Variants in DGKB observed in about 807,000 individuals in gnomAD.
DGKB encodes the protein 90 kDa diacylglycerol kinase.
Under a neutral mutation model 114.3 loss-of-function variants are expected in DGKB, and 67 were observed. That is an observed-to-expected ratio of 0.59 (90% CI 0.48 to 0.72). The LOEUF is 0.72. Among genes scored for constraint, DGKB ranks in the 30% least tolerant of loss-of-function variants. DGKB has a pLI of 0.00. For missense variants in DGKB, 907 were observed against 975.2 expected (o/e 0.93, Z 0.93); for synonymous variants, 398 against 323.1 (o/e 1.23, Z -2.49).
At chr7:14,413,922 A>G (rs1404837820) in intron 21 of DGKB, among the ~76,000 whole-genome samples, 1 of 152,182 alleles carries the variant, frequency 6.6e-6, no homozygotes, top group Non-Finnish European at 1.5e-5. Flanking sequence ...TCTTAATGGG[A>G]GAGATTTGAG....
chr7:14,177,369 A>G, intron 24 of DGKB, among the ~76,000 whole-genome samples: 1 of 151,986 alleles, frequency 6.6e-6, no homozygotes, highest in East Asian at 1.9e-4. Context: ...AGCCTGACCA[A>G]CATGGTGAAA....
intron 21 of DGKB, among the ~76,000 whole-genome samples, chr7:14,358,032 CT>C: frequency 6.6e-6 from 1 of 152,120 alleles, no homozygotes; most frequent in East Asian, 1.9e-4. Context: ...ACATTTTTTC[CT>C]TCATTTCAAC....
At chr7:14,755,650 A>T (rs2128443333) in intron 3 of DGKB, among the ~76,000 whole-genome samples, 1 of 152,278 alleles carries the variant, frequency 6.6e-6, no homozygotes, top group Admixed American at 6.5e-5. Flanking sequence ...TTTTTTATAA[A>T]TTGGATGAGG....
At chr7:14,360,085 T>C (rs1199446167) in intron 21 of DGKB, among the ~76,000 whole-genome samples, 1 of 152,116 alleles carries the variant, frequency 6.6e-6, no homozygotes, top group Non-Finnish European at 1.5e-5. Context: ...AGTGATAGAC[T>C]GGATTAAGAA....
intron 20 of DGKB, among the ~76,000 whole-genome samples, chr7:14,500,826 T>C (rs907697255): frequency 5.9e-5 from 9 of 151,936 alleles, no homozygotes; most frequent in African/African-American, 1.7e-4. Flanking sequence ...AACTGTTGTA[T>C]AGCGGTGAAA....
intron 21 of DGKB, among the ~76,000 whole-genome samples, chr7:14,354,606 C>T (rs576334927): frequency 9.9e-5 from 15 of 152,132 alleles, no homozygotes; most frequent in African/African-American, 3.6e-4. Flanking sequence ...AAAGAAGATA[C>T]ACAAGATGGT....
In DGKB at chr7:14,792,901, C is replaced by T. The variant is rs545176764; in HGVS notation, c.71-35170G>A. On this transcript the variant is annotated intron_variant, in intron 2 of 25. Coordinates refer to ENST00000402815, the MANE Select transcript of DGKB (RefSeq NM_001350709.2). ...ACTGCTACTTTTAATTCATTGAATT[C>T]GTCAATTAATGAACATACAGATTAA... is the stretch of plus-strand genomic sequence containing the variant. 1.2e-3 allele frequency among the ~76,000 whole-genome samples: 180 copies of T among 152,110 alleles called. 3 individuals carry two copies. The South Asian group carries it at 0.018, about 15-fold the overall frequency.
intron 23 of DGKB, among the ~76,000 whole-genome samples, chr7:14,298,811 T>A (rs1395688920): frequency 2.0e-5 from 3 of 152,054 alleles, no homozygotes; most frequent in African/African-American, 7.3e-5. Context: ...AGGGCTAATA[T>A]CCAGCATCTA....
Position 14,250,855 on chromosome 7 carries a change from T to C in DGKB, c.2123-72704A>G, listed in dbSNP as rs559934947. ...GCATACAGTTTTTATATCCTCTTGA[T>C]GAATTGACTCCATTATCATAATGTA... On this transcript the variant is annotated intron_variant, in intron 23 of 25. Transcript: ENST00000402815. Among the ~76,000 whole-genome samples, 7 of 152,346 alleles carry C rather than the reference T, an allele frequency of 4.6e-5. No individual in the cohort carries two copies. The East Asian group carries it at 1.3e-3, about 29-fold the overall frequency.
intron 20 of DGKB, among the ~76,000 whole-genome samples, chr7:14,502,008 G>C (rs1202581260): frequency 3.3e-5 from 5 of 151,816 alleles, no homozygotes. Flanking sequence ...GGTTAAGAGG[G>C]TGGACATTGT....
chr7:14,517,184 C>A (rs1788946968), intron 20 of DGKB, among the ~76,000 whole-genome samples: 1 of 152,000 alleles, frequency 6.6e-6, no homozygotes, highest in African/African-American at 2.4e-5. Flanking sequence ...TTCAACAAAG[C>A]TGACAAAAAC....
chr7:14,276,568 G>A (rs2159020), intron 23 of DGKB, among the ~76,000 whole-genome samples: 133,335 of 152,044 alleles, frequency 0.88, 58,778 homozygotes, highest in African/African-American at 0.97. Context: ...TACATCATAT[G>A]CATGTTAGAA....
Position 14,709,941 on chromosome 7 carries a change from A to T in DGKB, c.467-8211T>A, listed in dbSNP as rs542438524. On this transcript the variant is annotated intron_variant, in intron 6 of 25. Transcript: ENST00000402815. Reference sequence around the variant, plus strand: ...TGTAACTAACCTGCACAATGTGCACATGTACCCTAAAACTTAAAGTATAAT... The same window carrying T: ...TGTAACTAACCTGCACAATGTGCACTTGTACCCTAAAACTTAAAGTATAAT... Among the ~76,000 whole-genome samples, 233 of 151,164 alleles carry T rather than the reference A, an allele frequency of 1.5e-3. 1 individual carries two copies. The highest frequency in any genetic ancestry group is 5.3e-3 in the African/African-American group (216 of 41,140).
intron 23 of DGKB, among the ~76,000 whole-genome samples, chr7:14,216,377 T>G (rs1432821654): frequency 6.6e-6 from 1 of 152,050 alleles, no homozygotes; most frequent in Non-Finnish European, 1.5e-5. Flanking sequence ...AGTAATAAAT[T>G]TGGTTTAAAT....
At chr7:14,511,948 A>G (rs1018361668) in intron 20 of DGKB, among the ~76,000 whole-genome samples, 2 of 152,194 alleles carry the variant, frequency 1.3e-5, no homozygotes, top group East Asian at 1.9e-4. Context: ...TTATGGGTGC[A>G]TTTGTGGTAT....
intron 23 of DGKB, among the ~76,000 whole-genome samples, chr7:14,207,300 A>G (rs1786991577): frequency 6.6e-6 from 1 of 152,112 alleles, no homozygotes; most frequent in African/African-American, 2.4e-5. Context: ...TAATCTGCCA[A>G]CATATGACCT....
chr7:14,154,932 T>C (rs1782775749), intron 25 of DGKB, among the ~76,000 whole-genome samples: 1 of 151,854 alleles, frequency 6.6e-6, no homozygotes. Flanking sequence ...CAGGTGATTC[T>C]CCTGCACTCT....
chr7:14,823,033 A>T (rs2109498), intron 2 of DGKB, among the ~76,000 whole-genome samples: 136,599 of 151,562 alleles, frequency 0.9, 61,864 homozygotes, highest in East Asian at 1. Flanking sequence ...TAGTACTTTT[A>T]AAAAAAATTT....
At chr7:14,283,869 T>A (rs1800375171) in intron 23 of DGKB, among the ~76,000 whole-genome samples, 1 of 151,946 alleles carries the variant, frequency 6.6e-6, no homozygotes, top group Non-Finnish European at 1.5e-5. Flanking sequence ...CAATTCAAGA[T>A]GGATTAAAGA....
Sources: gnomAD v4.1 joint callset for allele counts (sites outside exome capture counted in the v4.1 genomes callset) on GRCh38, gnomAD v4.1.1 for gene constraint, MANE v1.5 for transcripts, NCBI Gene and HGNC (gene_info 2026-07-23, HGNC 2026-07-21) for gene names.